CNNM2: variants seen among roughly 807,000 people sequenced by gnomAD.
The protein encoded by CNNM2 is metal transporter CNNM2.
In CNNM2, 12 loss-of-function variants were observed where a neutral mutation model predicts 66.9. The ratio of observed to expected loss-of-function variants is 0.18; its 90% CI spans 0.11 to 0.29. The LOEUF (loss-of-function observed/expected upper bound fraction) is 0.29. CNNM2 is among the 10% of genes least tolerant of loss of function. CNNM2 has a pLI of 1.00. For missense variants in CNNM2, 705 were observed against 1,167.7 expected (o/e 0.60, Z 5.77); for synonymous variants, 557 against 501.8 (o/e 1.11, Z -1.47).
chr10:103,072,451 C>G (rs1333846224), intron 6 of CNNM2, among the ~76,000 whole-genome samples: 4 of 151,910 alleles, frequency 2.6e-5, no homozygotes, highest in Non-Finnish European at 5.9e-5. Context: ...CCCCGCTTCT[C>G]CCCACCACCA....
intron 1 of CNNM2, among the ~76,000 whole-genome samples, chr10:102,949,461 C>G (rs1477189178): frequency 6.6e-6 from 1 of 151,858 alleles, no homozygotes; most frequent in Admixed American, 6.6e-5. Flanking sequence ...AGGCATGAGC[C>G]ACCACACCTG....
intron 3 of CNNM2, among the ~76,000 whole-genome samples, chr10:103,055,089 A>G (rs2065274706): frequency 6.6e-6 from 1 of 152,226 alleles, no homozygotes; most frequent in Non-Finnish European, 1.5e-5. Flanking sequence ...CATGTTGTTT[A>G]AACCACCAAC....
chr10:102,956,181 G>A (rs1447527770), intron 1 of CNNM2, among the ~76,000 whole-genome samples: 2 of 151,918 alleles, frequency 1.3e-5, no homozygotes, highest in Non-Finnish European at 2.9e-5. Context: ...CCAGCTGCTC[G>A]GGAGGCTGAG....
chr10:103,073,787 G>A (rs1253668166), intron 6 of CNNM2, among the ~76,000 whole-genome samples: 1 of 149,860 alleles, frequency 6.7e-6, no homozygotes, highest in Non-Finnish European at 1.5e-5. Context: ...GCGTGAACCC[G>A]GGAAGCGGAA....
intron 4 of CNNM2, among the ~76,000 whole-genome samples, chr10:103,061,836 C>A (rs2065390511): frequency 2.0e-5 from 3 of 151,248 alleles, no homozygotes; most frequent in Admixed American, 2.0e-4. Context: ...ACAACAAAAC[C>A]AAAATATGTC....
At chr10:103,053,665 G>A (rs2065251845) in intron 2 of CNNM2, among the ~76,000 whole-genome samples, 1 of 152,204 alleles carries the variant, frequency 6.6e-6, no homozygotes, top group Non-Finnish European at 1.5e-5. Flanking sequence ...AGACTATGTA[G>A]ACCCACATAG....
chr10:103,038,707 G>A (rs2064986008), intron 1 of CNNM2, among the ~76,000 whole-genome samples: 1 of 152,148 alleles, frequency 6.6e-6, no homozygotes, highest in African/African-American at 2.4e-5. Context: ...TTCATGGCTG[G>A]ACTGAAGGAA....
chr10:102,924,528 A>G (rs1845778173), intron 1 of CNNM2, among the ~76,000 whole-genome samples: 1 of 152,234 alleles, frequency 6.6e-6, no homozygotes, highest in Non-Finnish European at 1.5e-5. Flanking sequence ...ATAACTCAGC[A>G]AATCTCTCCA....
intron 1 of CNNM2, among the ~76,000 whole-genome samples, chr10:102,923,652 C>G (rs1845740039): frequency 6.6e-6 from 1 of 152,144 alleles, no homozygotes; most frequent in African/African-American, 2.4e-5. Flanking sequence ...CCCAGTGCTT[C>G]TGTGGTGTTG....
At chr10:102,937,715 A>C (rs1305124841) in intron 1 of CNNM2, among the ~76,000 whole-genome samples, 2 of 152,120 alleles carry the variant, frequency 1.3e-5, no homozygotes, top group African/African-American at 4.8e-5. Flanking sequence ...ATACTCCTAA[A>C]ACGTACATAT....
intron 1 of CNNM2, among the ~76,000 whole-genome samples, chr10:103,035,917 C>T (rs373512302): frequency 6.6e-6 from 1 of 152,170 alleles, no homozygotes; most frequent in South Asian, 2.1e-4. Context: ...GCTGTTGTCA[C>T]CGGGAAGTTC....
In CNNM2 at chr10:103,080,716, A is replaced by AGC. The variant is rs1482448244; in HGVS notation, c.*3537_*3538dup. 1 of 152,272 alleles carries AGC rather than the reference A, an allele frequency of 6.6e-6. No homozygotes were observed. The highest frequency in any genetic ancestry group is 1.5e-5 in the Non-Finnish European group (1 of 68,046). 9.4% of individuals were successfully genotyped at this position (152,272 alleles called of 1,614,324 possible). A position where few individuals can be genotyped will look rare whatever the true frequency, so the allele number is the denominator to read the frequency against. On this transcript the variant is annotated 3_prime_UTR_variant, in exon 8 of 8. Transcript: ENST00000369878. ...GAGTATATTTACCTGTGCTGTCGTCAGCACTGTACACTAAAGGACCAGCTT... is the reference window on the plus strand; with the variant it reads ...GAGTATATTTACCTGTGCTGTCGTCAGCGCACTGTACACTAAAGGACCAGCTT...
chr10:102,991,704 A>G (rs1481291905), intron 1 of CNNM2, among the ~76,000 whole-genome samples: 2 of 152,176 alleles, frequency 1.3e-5, no homozygotes, highest in East Asian at 1.9e-4. Flanking sequence ...TTATATTATC[A>G]TTTGTACTGA....
chr10:102,932,107 A>T (rs1351911979), intron 1 of CNNM2, among the ~76,000 whole-genome samples: 1 of 151,532 alleles, frequency 6.6e-6, no homozygotes, highest in African/African-American at 2.4e-5. Flanking sequence ...ATTTGCAAAT[A>T]TTTTTCTCCC....
At chr10:103,042,228 C>A (rs2065053936) in intron 1 of CNNM2, among the ~76,000 whole-genome samples, 1 of 152,204 alleles carries the variant, frequency 6.6e-6, no homozygotes, top group African/African-American at 2.4e-5. Context: ...GAAACACTGT[C>A]TATCCAGAAT....
intron 1 of CNNM2, among the ~76,000 whole-genome samples, chr10:102,951,133 G>C (rs555238868): frequency 6.6e-6 from 1 of 151,694 alleles, no homozygotes; most frequent in South Asian, 2.1e-4. Context: ...GACTACAGGC[G>C]CCTGCCACCA....
At chr10:102,991,500 T>C (rs1298984254) in intron 1 of CNNM2, among the ~76,000 whole-genome samples, 1 of 152,240 alleles carries the variant, frequency 6.6e-6, no homozygotes, top group Non-Finnish European at 1.5e-5. Context: ...CTGTTCCATC[T>C]GCTTTCCTCC....
chr10:102,993,667 G>A (rs558207381), intron 1 of CNNM2, among the ~76,000 whole-genome samples: 1 of 152,246 alleles, frequency 6.6e-6, no homozygotes, highest in East Asian at 1.9e-4. Context: ...GGCTTTGGTT[G>A]AGGATGTATT....
At chr10:102,985,231 G>A (rs916720046) in intron 1 of CNNM2, among the ~76,000 whole-genome samples, 4 of 151,754 alleles carry the variant, frequency 2.6e-5, no homozygotes, top group Non-Finnish European at 2.9e-5. Context: ...TTTGAATAGC[G>A]GATCCTTTCC....
Sources: gnomAD v4.1 joint callset for allele counts (sites outside exome capture counted in the v4.1 genomes callset) on GRCh38, gnomAD v4.1.1 for gene constraint, MANE v1.5 for transcripts, NCBI Gene and HGNC (gene_info 2026-07-23, HGNC 2026-07-21) for gene names.